Variants in STAT5B observed in about 807,000 individuals in gnomAD.
The protein encoded by STAT5B is transcription factor STAT5B.
STAT5B carries 21 observed loss-of-function variants against 107.8 expected under a neutral mutation model. The ratio of observed to expected loss-of-function variants is 0.19; its 90% CI spans 0.14 to 0.28. STAT5B has a LOEUF of 0.28. Among genes scored for constraint, STAT5B ranks in the 10% least tolerant of loss-of-function variants. The probability of loss-of-function intolerance (pLI) is 1.00; values close to 1 mark genes in which losing one functional copy is unlikely to be tolerated. For missense variants in STAT5B, 565 were observed against 1,008.2 expected (o/e 0.56, Z 5.95); for synonymous variants, 325 against 401.7 (o/e 0.81, Z 2.28).
the STAT5B span, among the ~76,000 whole-genome samples, chr17:42,281,950 C>T: frequency 1.3e-5 from 2 of 152,138 alleles, no homozygotes; most frequent in Non-Finnish European, 2.9e-5. Flanking sequence ...CAAAATTCAG[C>T]CCAGCACCAG....
At chr17:42,248,044 G>A (rs902679463) in intron 1 of STAT5B, among the ~76,000 whole-genome samples, 7 of 151,874 alleles carry the variant, frequency 4.6e-5, no homozygotes, top group Non-Finnish European at 1.0e-4. Flanking sequence ...CTGGGAGGCC[G>A]AGATGGGAAG....
In STAT5B at chr17:42,218,998, A is replaced by G. The variant is rs541058154; in HGVS notation, c.834-120T>C. On this transcript the variant is annotated intron_variant, in intron 7 of 18. Coordinates refer to ENST00000293328, the MANE Select transcript of STAT5B (RefSeq NM_012448.4). ...TGTGCTTTCGCCACACTTCCCACCC[A>G]TGGGAAGAGCAGAGCTCCCTGCCTC... 376 of 911,186 alleles carry G rather than the reference A, an allele frequency of 4.1e-4. 2 individuals carry two copies. The highest frequency in any genetic ancestry group is 2.1e-3 in the Middle Eastern group (6 of 2,926). 56.4% of individuals were successfully genotyped at this position (911,186 alleles called of 1,614,324 possible).
chr17:42,246,513 A>G (rs1246835127), intron 1 of STAT5B, among the ~76,000 whole-genome samples: 1 of 152,182 alleles, frequency 6.6e-6, no homozygotes, highest in East Asian at 1.9e-4. Flanking sequence ...ATTCTGACAT[A>G]TATTTATATA....
rs181812855 is a variant in STAT5B at position 42,201,150 on chromosome 17, G to A, written c.*588C>T. On this transcript the variant is annotated 3_prime_UTR_variant, in exon 19 of 19. Coordinates refer to ENST00000293328, the MANE Select transcript of STAT5B (RefSeq NM_012448.4). ...TCCCTTGCCCCAACAATCTTTGTAG[G>A]TTGCCCCTTTTCCCATTCCTACCCA... 70 of 406,856 alleles carry A rather than the reference G, an allele frequency of 1.7e-4. No individual in the cohort carries two copies. Among genetic ancestry groups the A allele is most frequent in the East Asian group, 1.4e-3 (39 of 28,592 alleles). 25.2% of individuals were successfully genotyped at this position (406,856 alleles called of 1,614,324 possible). A position where few individuals can be genotyped will look rare whatever the true frequency, so the allele number is the denominator to read the frequency against.
intron 5 of STAT5B, among the ~76,000 whole-genome samples, chr17:42,220,633 C>A (rs1429733852): frequency 3.9e-5 from 6 of 152,114 alleles, no homozygotes; most frequent in Non-Finnish European, 8.8e-5. Context: ...GACAGACAGA[C>A]CGCAGAGGGA....
intron 1 of STAT5B, among the ~76,000 whole-genome samples, chr17:42,232,869 T>A (rs905366855): frequency 7.0e-5 from 10 of 142,140 alleles, no homozygotes; most frequent in African/African-American, 2.7e-4. Context: ...TGAGACAGAG[T>A]CTTGCTCTGT....
At position 42,223,528 on chromosome 17, in the gene STAT5B, T is replaced by A. The variant is rs2080248072; in HGVS notation, c.404A>T (p.Asp135Val). The change falls in exon 5 of 19, where the codon GAT becomes GTT. Residue 135 changes from aspartate to valine, a missense_variant. By Grantham distance (152) the Asp-to-Val change is radical (BLOSUM62 -3). Around this residue, in one of 11 missense-constraint regions of STAT5B, gnomAD observed 54 missense variants for 49.7 expected, o/e 1.09. Transcript: ENST00000293328. ...NGSSPAGSLA[D>V]AMSQKHLQIN... is the part of the protein sequence containing the mutation. The stretch of plus-strand genomic sequence containing the variant: ...CTGGAGGTGTTTCTGGGACATGGCA[T>A]CAGCAAGGCTTCCAGCTGGAGAGCT... 1 of 1,614,124 alleles carries A rather than the reference T, an allele frequency of 6.2e-7. No homozygotes were observed. Among genetic ancestry groups the A allele is most frequent in the South Asian group, 1.1e-5 (1 of 91,084 alleles).
upstream of STAT5B, among the ~76,000 whole-genome samples, chr17:42,278,598 A>G (rs959097394): frequency 6.6e-6 from 1 of 151,992 alleles, no homozygotes; most frequent in Admixed American, 6.6e-5. Context: ...GCTCAAGGCA[A>G]CCTCCTGGGC....
At chr17:42,281,646 G>A (rs1442648641), upstream of STAT5B, among the ~76,000 whole-genome samples, 1 of 152,186 alleles carries the variant, frequency 6.6e-6, no homozygotes, top group Non-Finnish European at 1.5e-5. Context: ...TGGATGTGCA[G>A]GTGCATGGAG....
intron 4 of STAT5B, 78 bp downstream of exon 4, chr17:42,224,701 T>C: frequency 1.4e-6 from 2 of 1,455,020 alleles, no homozygotes; most frequent in Non-Finnish European, 1.9e-6. Flanking sequence ...CTGAGTCACC[T>C]TGACAAAGGT....
Position 42,202,449 on chromosome 17 carries a change from T to C in STAT5B, c.2130-2A>G. 6.2e-7 allele frequency: 1 copy of C among 1,613,972 alleles called. No homozygotes were observed. The highest frequency in any genetic ancestry group is 8.5e-7 in the Non-Finnish European group (1 of 1,179,978). On this transcript the variant is annotated splice_acceptor_variant, in intron 17 of 18. Coordinates refer to ENST00000293328, the MANE Select transcript of STAT5B (RefSeq NM_012448.4). LOFTEE classifies it high-confidence loss of function. Reference sequence around the variant, plus strand: ...GCATCTGCAGATGCGTTCACAAACCTGCAGAAGGAAGAGAACAGAGCTTCA... The same window carrying C: ...GCATCTGCAGATGCGTTCACAAACCCGCAGAAGGAAGAGAACAGAGCTTCA...
chr17:42,267,787 C>T (rs904601598), intron 1 of STAT5B, among the ~76,000 whole-genome samples: 4 of 151,680 alleles, frequency 2.6e-5, no homozygotes, highest in Admixed American at 6.6e-5. Flanking sequence ...GGTGAAACCC[C>T]GTCTCTACTA....
intron 16 of STAT5B, among the ~76,000 whole-genome samples, chr17:42,205,184 T>C (rs561761723): frequency 8.9e-4 from 136 of 152,058 alleles, no homozygotes; most frequent in Non-Finnish European, 1.3e-3. Context: ...CCTGCCACCA[T>C]GCCCGGCTAA....
At chr17:42,251,489 G>T (rs1195360414) in intron 1 of STAT5B, among the ~76,000 whole-genome samples, 2 of 152,086 alleles carry the variant, frequency 1.3e-5, no homozygotes. Context: ...TTTACATACA[G>T]GGGGAAATGT....
intron 1 of STAT5B, among the ~76,000 whole-genome samples, chr17:42,247,171 A>G (rs1439577246): frequency 6.6e-6 from 1 of 152,134 alleles, no homozygotes; most frequent in Non-Finnish European, 1.5e-5. Flanking sequence ...TCTCTGTACT[A>G]ATCTCTATGT....
Position 42,204,161 on chromosome 17 carries a change from T to TGCCAAGAATGCGATGTGTC in STAT5B, c.2078-1372_2078-1354dup, listed in dbSNP as rs1454911688. ...CACTAGTCCCAGTGAGTGCTGTTGG[T>TGCCAAGAATGCGATGTGTC]GCCAAGAATGCGATGTGTCCTTTGC... On this transcript the variant is annotated intron_variant, in intron 16 of 18. Transcript: ENST00000293328. 3.3e-5 allele frequency among the ~76,000 whole-genome samples: 5 copies of TGCCAAGAATGCGATGTGTC among 152,318 alleles called. No homozygotes were observed. The South Asian group carries it at 6.2e-4, about 19-fold the overall frequency.
chr17:42,247,528 G>A (rs764419464), intron 1 of STAT5B, among the ~76,000 whole-genome samples: 2 of 152,130 alleles, frequency 1.3e-5, no homozygotes, highest in Non-Finnish European at 2.9e-5. Context: ...TTGCTTACTG[G>A]GTGATATGAA....
chr17:42,259,927 T>A (rs1259139911), intron 1 of STAT5B, among the ~76,000 whole-genome samples: 1 of 152,202 alleles, frequency 6.6e-6, no homozygotes, highest in African/African-American at 2.4e-5. Context: ...CAGGTAAACA[T>A]GTGCCATGGT....
chr17:42,207,457 T>A, intron 16 of STAT5B, 101 bp downstream of exon 16: 4 of 1,458,108 alleles, frequency 2.7e-6, no homozygotes, highest in Admixed American at 3.4e-5. Context: ...GTGTGGGTTT[T>A]CACACAAGAG....
Sources: allele counts gnomAD v4.1 joint callset (sites outside exome capture counted in the v4.1 genomes callset), GRCh38; gene constraint gnomAD v4.1.1; regional missense constraint gnomAD v4.1.1; transcripts MANE v1.5; gene names NCBI Gene and HGNC (gene_info 2026-07-23, HGNC 2026-07-21).